The following DLG2 variants were observed in gnomAD, a reference collection of about 807,000 sequenced individuals.
DLG2 encodes the protein disks large homolog 2.
DLG2 carries 45 observed loss-of-function variants against 132.5 expected under a neutral mutation model. The observed-to-expected ratio is 0.34, with a 90% CI of 0.27 to 0.44. The LOEUF (loss-of-function observed/expected upper bound fraction) is 0.44, where lower values mean the gene tolerates loss of function less well. DLG2 is among the 20% of genes least tolerant of loss of function. DLG2 has a pLI of 1.00. For missense variants in DLG2, 1,045 were observed against 1,196.9 expected (o/e 0.87, Z 1.87); for synonymous variants, 424 against 419.6 (o/e 1.01, Z -0.13).
At chr11:85,612,451 T>C (rs1437463944) in intron 2 of DLG2, among the ~76,000 whole-genome samples, 2 of 152,124 alleles carry the variant, frequency 1.3e-5, no homozygotes, top group Non-Finnish European at 2.9e-5. Flanking sequence ...GTTAGGAAAA[T>C]TGCCTAATAA....
chr11:84,312,563 A>G (rs943845129), intron 7 of DLG2, among the ~76,000 whole-genome samples: 2 of 152,100 alleles, frequency 1.3e-5, no homozygotes, highest in African/African-American at 4.8e-5. Context: ...CAAGTATTTC[A>G]ATTTTTTAAC....
At chr11:84,865,878 A>T (rs1600225621) in intron 6 of DLG2, among the ~76,000 whole-genome samples, 1 of 152,342 alleles carries the variant, frequency 6.6e-6, no homozygotes, top group South Asian at 2.1e-4. Context: ...AGGGTAAAAG[A>T]AACAAACACA....
intron 6 of DLG2, among the ~76,000 whole-genome samples, chr11:85,091,657 AT>A (rs1410005349): frequency 1.3e-5 from 2 of 152,204 alleles, no homozygotes; most frequent in African/African-American, 4.8e-5. Flanking sequence ...CAATGTTCAC[AT>A]CGTCTTCTTT....
At chr11:83,890,767 G>A (rs1422757395) in intron 15 of DLG2, among the ~76,000 whole-genome samples, 2 of 152,078 alleles carry the variant, frequency 1.3e-5, no homozygotes, top group Non-Finnish European at 2.9e-5. Flanking sequence ...GCAGAGTGAC[G>A]TGGGTATAGG....
At chr11:83,674,703 G>C (rs1339258552) in intron 18 of DLG2, among the ~76,000 whole-genome samples, 1 of 152,212 alleles carries the variant, frequency 6.6e-6, no homozygotes, top group South Asian at 2.1e-4. Flanking sequence ...TGTTTTCTGA[G>C]TGAAAACAGA....
intron 18 of DLG2, among the ~76,000 whole-genome samples, chr11:83,720,294 G>GAAAAAAAAAAAAAAAAAAAAAAAAA (rs10573464): frequency 2.2e-4 from 6 of 27,304 alleles, no homozygotes; most frequent in East Asian, 1.9e-3. Flanking sequence ...CTCCATCTCA[G>GAAAAAAAAAAAAAAAAAAAAAAAAA]AAAAAAAAAA....
intron 6 of DLG2, chr11:84,923,431 A>AG (rs1032610772): frequency 4.1e-6 from 4 of 985,262 alleles, no homozygotes; most frequent in African/African-American, 1.8e-5. Flanking sequence ...TAAAAAAAAA[A>AG]AAGAAGAAGA....
rs542544314 is a variant in DLG2, at chr11:84,571,883, G to A, written c.358-37152C>T. Among the ~76,000 whole-genome samples, 8 of 152,168 alleles carry A rather than the reference G, an allele frequency of 5.3e-5. No homozygotes were observed. The South Asian group carries it at 1.5e-3, about 28-fold the overall frequency. ...AACATTTGGGGTTTAATAATAACCA[G>A]TTTCACTTACTGCATACTGTTTATG... On this transcript the variant is annotated intron_variant, in intron 6 of 27. Transcript: ENST00000376104.
At chr11:84,804,778 G>C (rs2075806687) in intron 6 of DLG2, among the ~76,000 whole-genome samples, 1 of 152,096 alleles carries the variant, frequency 6.6e-6, no homozygotes, top group South Asian at 2.1e-4. Context: ...CACCCAAAAA[G>C]ACCAAATGAG....
intron 6 of DLG2, among the ~76,000 whole-genome samples, chr11:84,977,839 T>A (rs1243120083): frequency 1.3e-5 from 2 of 152,172 alleles, no homozygotes; most frequent in African/African-American, 4.8e-5. Context: ...GAGATTTGTA[T>A]CATTTACTCT....
intron 7 of DLG2, among the ~76,000 whole-genome samples, chr11:84,480,232 A>G (rs1196270778): frequency 2.0e-5 from 3 of 152,118 alleles, no homozygotes; most frequent in Non-Finnish European, 2.9e-5. Flanking sequence ...TCCTTTACCC[A>G]TGAGTCGTTA....
intron 4 of DLG2, among the ~76,000 whole-genome samples, chr11:85,157,541 A>T (rs549354073): frequency 6.6e-6 from 1 of 152,330 alleles, no homozygotes; most frequent in East Asian, 1.9e-4. Flanking sequence ...CTATATGTGG[A>T]GAATCAAGGA....
chr11:85,151,818 C>CT (rs1479453244), intron 5 of DLG2, among the ~76,000 whole-genome samples: 2 of 152,126 alleles, frequency 1.3e-5, no homozygotes, highest in African/African-American at 4.8e-5. Flanking sequence ...ATCAGGATGT[C>CT]TGAGGTTTCT....
intron 6 of DLG2, among the ~76,000 whole-genome samples, chr11:84,712,541 T>C (rs1468605669): frequency 1.3e-5 from 2 of 152,060 alleles, no homozygotes; most frequent in Non-Finnish European, 2.9e-5. Context: ...AACAACGTGT[T>C]GGTAGGTTAA....
intron 19 of DLG2, among the ~76,000 whole-genome samples, chr11:83,602,867 C>T (rs2058764297): frequency 1.3e-5 from 2 of 152,168 alleles, no homozygotes; most frequent in Admixed American, 1.3e-4. Flanking sequence ...AATTCAGTCT[C>T]ACCTATTTAT....
At chr11:84,644,182 A>G (rs1484335106) in intron 6 of DLG2, among the ~76,000 whole-genome samples, 1 of 152,054 alleles carries the variant, frequency 6.6e-6, no homozygotes, top group Admixed American at 6.5e-5. Flanking sequence ...GGTCTTTTCA[A>G]AGGTCCATCT....
chr11:84,739,731 G>T (rs2064342391), intron 6 of DLG2, among the ~76,000 whole-genome samples: 1 of 152,132 alleles, frequency 6.6e-6, no homozygotes, highest in South Asian at 2.1e-4. Context: ...AGAAGATCAA[G>T]GGAAGACAAA....
intron 18 of DLG2, among the ~76,000 whole-genome samples, chr11:83,680,220 G>T (rs1485945150): frequency 6.6e-6 from 1 of 152,148 alleles, no homozygotes; most frequent in East Asian, 1.9e-4. Context: ...TGGTACATAG[G>T]TTTATTTTTC....
Position 85,167,755 on chromosome 11 carries a change from A to C in DLG2, c.187-13104T>G, listed in dbSNP as rs1454553546. On this transcript the variant is annotated intron_variant, in intron 4 of 27. Transcript: ENST00000376104. ...TTCTCTGTCATGTAAAACTTATGTT[A>C]AATTAATGCATATGCTTTTCTCTTG... 2.0e-5 allele frequency among the ~76,000 whole-genome samples: 3 copies of C among 152,264 alleles called. No homozygotes were observed. In the East Asian group the frequency reaches 5.8e-4, roughly 29 times the overall value.
Sources: allele counts gnomAD v4.1 joint callset (sites outside exome capture counted in the v4.1 genomes callset), GRCh38; gene constraint gnomAD v4.1.1; transcripts MANE v1.5; gene names NCBI Gene and HGNC (gene_info 2026-07-23, HGNC 2026-07-21).